Variants in IGF1 observed in about 807,000 individuals in gnomAD.
The protein encoded by IGF1 is insulin-like growth factor 1.
Under a neutral mutation model 13.8 loss-of-function variants are expected in IGF1, and 4 were observed. The observed-to-expected ratio is 0.29, with a 90% confidence interval of 0.14 to 0.66. IGF1 has a LOEUF of 0.66. Among genes scored for constraint, IGF1 ranks in the 30% least tolerant of loss-of-function variants. IGF1 has a pLI of 0.78. For synonymous variants in IGF1, 76 were observed against 72.6 expected (o/e 1.05, Z -0.23); for missense variants, 124 against 188.5 (o/e 0.66, Z 2.00).
chr12:102,479,622 G>A (rs1219739809), intron 1 of IGF1, among the ~76,000 whole-genome samples: 1 of 152,126 alleles, frequency 6.6e-6, no homozygotes, highest in Non-Finnish European at 1.5e-5. Context: ...CAGAAAAGTT[G>A]GGCAAGCAGC....
rs775312813 is a variant in IGF1 at position 102,475,756 on chromosome 12, G to A, written c.107C>T (p.Ala36Val). The change falls in exon 2 of 4, where the codon GCG becomes GTG. Residue 36 changes from alanine to valine, a missense_variant. Ala to Val is a moderately conservative substitution (Grantham distance 64). Around this residue, in one of 2 missense-constraint regions of IGF1, gnomAD observed 99 missense variants for 171.4 expected, o/e 0.58. Transcript: ENST00000337514. ...TMSSSHLFYLALCLLTFTSSA... is the reference protein window; with the variant it reads ...TMSSSHLFYLVLCLLTFTSSA... ...GCTGGTGAAGGTGAGCAGGCACAGC[G>A]CCAGGTAGAAGAGATGCGAGGAGGA... The A allele has an allele frequency of 9.9e-6, 16 of 1,614,054 alleles. No individual in the cohort carries two copies. The East Asian group carries it at 1.1e-4, about 11-fold the overall frequency.
At chr12:102,429,264 A>C (rs1296878710) in intron 2 of IGF1, among the ~76,000 whole-genome samples, 2 of 152,040 alleles carry the variant, frequency 1.3e-5, no homozygotes, top group African/African-American at 4.8e-5. Flanking sequence ...TGCTGCTATT[A>C]TTTCTTTCCC....
At chr12:102,449,516 A>G (rs1878723712) in intron 2 of IGF1, among the ~76,000 whole-genome samples, 1 of 151,912 alleles carries the variant, frequency 6.6e-6, no homozygotes, top group Admixed American at 6.5e-5. Context: ...CACATTCTGC[A>G]CGTTTCCCAG....
At chr12:102,452,538 G>C (rs1879055469) in intron 2 of IGF1, among the ~76,000 whole-genome samples, 1 of 152,104 alleles carries the variant, frequency 6.6e-6, no homozygotes, top group Non-Finnish European at 1.5e-5. Flanking sequence ...TTGCAGATCT[G>C]TAACACTCAA....
At chr12:102,473,529 G>T (rs1880816089) in intron 2 of IGF1, among the ~76,000 whole-genome samples, 1 of 152,188 alleles carries the variant, frequency 6.6e-6, no homozygotes. Context: ...ATGAGGGTAT[G>T]TCGGATTAAC....
At chr12:102,415,926 A>T in intron 3 of IGF1, among the ~76,000 whole-genome samples, 1 of 152,180 alleles carries the variant, frequency 6.6e-6, no homozygotes, top group East Asian at 1.9e-4. Flanking sequence ...CTCTGCTCTG[A>T]TAAGCCAGGA....
chr12:102,474,813 T>C (rs998605441), intron 2 of IGF1, among the ~76,000 whole-genome samples: 2 of 152,226 alleles, frequency 1.3e-5, no homozygotes, highest in Non-Finnish European at 2.9e-5. Context: ...CTTTAAGTGA[T>C]CAGTTCCCAC....
chr12:102,475,863 G>T (rs1880994069), intron 1 of IGF1, 64 bp from the exon 2 acceptor site: 1 of 1,516,046 alleles, frequency 6.6e-7, no homozygotes, highest in African/African-American at 1.4e-5. Flanking sequence ...AGTGGGGTGG[G>T]ACAGAAGTGC....
chr12:102,464,374 G>T (rs189471105), intron 2 of IGF1, among the ~76,000 whole-genome samples: 2 of 150,982 alleles, frequency 1.3e-5, no homozygotes, highest in Admixed American at 1.3e-4. Context: ...GTAAGTCATG[G>T]TATATATTCT....
intron 2 of IGF1, among the ~76,000 whole-genome samples, chr12:102,426,607 G>A (rs1431379748): frequency 6.6e-6 from 1 of 152,184 alleles, no homozygotes; most frequent in Non-Finnish European, 1.5e-5. Flanking sequence ...TAGACACTAT[G>A]AGAATGAATC....
Position 102,398,190 on chromosome 12 carries a change from C to A in IGF1, c.*4317G>T, listed in dbSNP as rs1046691284. On this transcript the variant is annotated 3_prime_UTR_variant, in exon 4 of 4. Coordinates refer to ENST00000337514, the MANE Select transcript of IGF1 (RefSeq NM_000618.5). Reference sequence around the variant, plus strand: ...AATTCTTTCTTTATCAGTAGATAACCCCCATCTCATAAGGAAATACTTTCC... The same window carrying A: ...AATTCTTTCTTTATCAGTAGATAACACCCATCTCATAAGGAAATACTTTCC... The A allele has an allele frequency of 1.3e-5, 2 of 152,348 alleles. No homozygotes were observed. The highest frequency in any genetic ancestry group is 4.8e-5 in the African/African-American group (2 of 41,362). The allele number at this position is 152,348 out of a possible 1,614,324, so 9.4% of individuals were successfully genotyped here. A position where few individuals can be genotyped will look rare whatever the true frequency, so the allele number is the denominator to read the frequency against.
In IGF1 at chr12:102,480,534, G is replaced by C. The variant is rs908723537; in HGVS notation, c.-153C>G. 1.3e-6 allele frequency: 2 copies of C among 1,501,312 alleles called. No homozygotes were observed. The highest frequency in any genetic ancestry group is 1.8e-6 in the Non-Finnish European group (2 of 1,126,422). 93.0% of individuals were successfully genotyped at this position (1,501,312 alleles called of 1,614,324 possible). The stretch of plus-strand genomic sequence containing the variant: ...GCAGGCTCTATCTGCTCTGAATTTA[G>C]CAGTGACAGTGAGATTTAGCAAACA... On this transcript the variant is annotated 5_prime_UTR_variant, in exon 1 of 4. Coordinates refer to ENST00000337514, the MANE Select transcript of IGF1 (RefSeq NM_000618.5).
chr12:102,441,859 G>A lies in IGF1; in HGVS notation c.221-22169C>T, dbSNP rs5742654. On this transcript the variant is annotated intron_variant, in intron 2 of 3. Transcript: ENST00000337514. ...ACTCACTTATTAAATGCCCAAACCA[G>A]GATCCAAACTCAAGACTTTCTGAGC... Among the ~76,000 whole-genome samples the A allele has an allele frequency of 2.8e-4, 41 of 144,650 alleles. No individual in the cohort carries two copies. In the South Asian group the frequency reaches 7.8e-3, roughly 27 times the overall value. The allele number at this position is 144,650 out of a possible 152,430, so 94.9% of individuals were successfully genotyped here. A position where few individuals can be genotyped will look rare whatever the true frequency, so the allele number is the denominator to read the frequency against.
chr12:102,433,992 G>T (rs1876977351), intron 2 of IGF1, among the ~76,000 whole-genome samples: 1 of 152,130 alleles, frequency 6.6e-6, no homozygotes, highest in Non-Finnish European at 1.5e-5. Context: ...TTGTGACGTT[G>T]TGTGGTGAAG....
intron 3 of IGF1, among the ~76,000 whole-genome samples, chr12:102,409,364 A>G (rs761695960): frequency 2.0e-5 from 3 of 152,230 alleles, no homozygotes; most frequent in Admixed American, 1.3e-4. Flanking sequence ...CCTTGAGAGC[A>G]GGTAGCATAT....
Position 102,432,194 on chromosome 12 carries a change from C to T in IGF1, c.221-12504G>A, listed in dbSNP as rs150252058. ...TTCCCACTTAACATGACATTGTAAGCGTTTCCCATATTGCTATATAGTTTT... is the reference window on the plus strand; with the variant it reads ...TTCCCACTTAACATGACATTGTAAGTGTTTCCCATATTGCTATATAGTTTT... On this transcript the variant is annotated intron_variant, in intron 2 of 3. Coordinates refer to ENST00000337514, the MANE Select transcript of IGF1 (RefSeq NM_000618.5). Among the ~76,000 whole-genome samples, 413 of 152,220 alleles carry T rather than the reference C, an allele frequency of 2.7e-3. 2 individuals carry two copies. Among genetic ancestry groups the T allele is most frequent in the African/African-American group, 9.2e-3 (382 of 41,540 alleles).
intron 2 of IGF1, among the ~76,000 whole-genome samples, chr12:102,456,991 G>A (rs1879468305): frequency 6.6e-6 from 1 of 151,948 alleles, no homozygotes; most frequent in South Asian, 2.1e-4. Flanking sequence ...TATCTCTCCT[G>A]GTACTAAAAA....
chr12:102,477,535 ATTTT>A (rs371700453), intron 1 of IGF1, among the ~76,000 whole-genome samples: 3 of 140,618 alleles, frequency 2.1e-5, no homozygotes, highest in Non-Finnish European at 3.1e-5. Flanking sequence ...TCCAGTTCTC[ATTTT>A]TTTTTTTTTT....
At chr12:102,437,734 C>T (rs1446800667) in intron 2 of IGF1, among the ~76,000 whole-genome samples, 4 of 151,994 alleles carry the variant, frequency 2.6e-5, no homozygotes, top group East Asian at 1.9e-4. Context: ...TTAACAATAT[C>T]GTATTGTATA....
Sources: allele counts gnomAD v4.1 joint callset (sites outside exome capture counted in the v4.1 genomes callset), GRCh38; gene constraint gnomAD v4.1.1; regional missense constraint gnomAD v4.1.1; transcripts MANE v1.5; gene names NCBI Gene and HGNC (gene_info 2026-07-23, HGNC 2026-07-21).